The following ARHGEF3 variants were observed in gnomAD, a reference collection of about 807,000 sequenced individuals.
ARHGEF3 encodes Rho guanine nucleotide exchange factor 3, also known as 59.8 kDA protein.
Under a neutral mutation model 63.2 loss-of-function variants are expected in ARHGEF3, and 28 were observed. The observed-to-expected ratio is 0.44, with a 90% CI of 0.33 to 0.61. The LOEUF (loss-of-function observed/expected upper bound fraction) is 0.61. Ranked by LOEUF, ARHGEF3 falls within the 20% of genes least tolerant of loss-of-function variation. ARHGEF3 has a pLI of 0.03. For missense variants in ARHGEF3, 533 were observed against 659.3 expected, an observed-to-expected ratio of 0.81 and a Z score of 2.10; for synonymous variants, 266 against 254.2, an observed-to-expected ratio of 1.05 and a Z score of -0.44.
At chr3:56,781,939 G>C (rs1423912110) in intron 1 of ARHGEF3, among the ~76,000 whole-genome samples, 3 of 152,158 alleles carry the variant, frequency 2.0e-5, no homozygotes, top group Non-Finnish European at 2.9e-5. Flanking sequence ...GGGGTGGCTG[G>C]AAGGCAGGGC....
chr3:56,813,159 AC>A (rs2038135860), intron 4 of ARHGEF3, among the ~76,000 whole-genome samples: 1 of 152,246 alleles, frequency 6.6e-6, no homozygotes, highest in South Asian at 2.1e-4. Flanking sequence ...CAGGCTTTTA[AC>A]ATCTCCAAAG....
intron 3 of ARHGEF3, among the ~76,000 whole-genome samples, chr3:56,906,814 G>A (rs1578811901): frequency 6.6e-6 from 1 of 150,668 alleles, no homozygotes; most frequent in Non-Finnish European, 1.5e-5. Context: ...TCCAGCCTGG[G>A]CGACAGAGCG....
chr3:56,764,469 A>G (rs1252873551), intron 2 of ARHGEF3, among the ~76,000 whole-genome samples: 1 of 152,150 alleles, frequency 6.6e-6, no homozygotes, highest in African/African-American at 2.4e-5. Flanking sequence ...TATTATGACC[A>G]AACTTTGACT....
At chr3:56,999,010 C>T (rs1053121653) in intron 2 of ARHGEF3, among the ~76,000 whole-genome samples, 4 of 152,182 alleles carry the variant, frequency 2.6e-5, no homozygotes, top group African/African-American at 4.8e-5. Flanking sequence ...GGCATTAGTT[C>T]AGCCAACAGA....
At chr3:56,783,189 C>T (rs917766359) in intron 1 of ARHGEF3, among the ~76,000 whole-genome samples, 1 of 152,138 alleles carries the variant, frequency 6.6e-6, no homozygotes, top group African/African-American at 2.4e-5. Context: ...ATTAAAAAAA[C>T]AGGGGTAGAA....
At chr3:56,948,807 C>T (rs144966090) in intron 3 of ARHGEF3, among the ~76,000 whole-genome samples, 6 of 148,828 alleles carry the variant, frequency 4.0e-5, no homozygotes, top group African/African-American at 1.5e-4. Flanking sequence ...GATACCAAAG[C>T]CTGGCAGAGA....
chr3:57,055,750 C>A (rs1028637736), intron 1 of ARHGEF3, among the ~76,000 whole-genome samples: 1 of 152,164 alleles, frequency 6.6e-6, no homozygotes, highest in Non-Finnish European at 1.5e-5. Flanking sequence ...TTATCTGTAT[C>A]CTCCAGAAGC....
At chr3:56,793,371 G>A (rs370935767) in intron 1 of ARHGEF3, among the ~76,000 whole-genome samples, 12 of 152,202 alleles carry the variant, frequency 7.9e-5, no homozygotes, top group Admixed American at 3.3e-4. Context: ...GGGTTTCACC[G>A]CGTTAGCCAG....
intron 7 of ARHGEF3, among the ~76,000 whole-genome samples, chr3:56,744,397 CTT>C (rs34368516): frequency 0.013 from 1,669 of 124,414 alleles, 42 homozygotes; most frequent in East Asian, 0.11. Flanking sequence ...CTCAATAAAC[CTT>C]TTTTTTTTTT....
At chr3:57,005,263 A>G (rs1333057558) in intron 2 of ARHGEF3, among the ~76,000 whole-genome samples, 2 of 152,178 alleles carry the variant, frequency 1.3e-5, no homozygotes, top group Admixed American at 1.3e-4. Flanking sequence ...AATACTTACC[A>G]TAATACTACA....
At chr3:57,004,300 A>T (rs1261085948) in intron 2 of ARHGEF3, among the ~76,000 whole-genome samples, 1 of 152,260 alleles carries the variant, frequency 6.6e-6, no homozygotes, top group South Asian at 2.1e-4. Flanking sequence ...TCATTTTCTA[A>T]TAGATCCGCC....
chr3:57,002,483 A>ATGT (rs1553802499), intron 2 of ARHGEF3, among the ~76,000 whole-genome samples: 2 of 40,684 alleles, frequency 4.9e-5, no homozygotes, highest in South Asian at 8.8e-4. Flanking sequence ...TATATGTTAT[A>ATGT]TATATATATA....
intron 3 of ARHGEF3, among the ~76,000 whole-genome samples, chr3:56,949,380 C>A (rs900262972): frequency 6.6e-6 from 1 of 151,820 alleles, no homozygotes; most frequent in Non-Finnish European, 1.5e-5. Context: ...TCTAGAAAAC[C>A]CCATCGTCTC....
chr3:56,923,075 T>TATATATATATATAA (rs1560053971), intron 3 of ARHGEF3, among the ~76,000 whole-genome samples: 8 of 127,732 alleles, frequency 6.3e-5, no homozygotes, highest in South Asian at 2.4e-4. Flanking sequence ...TATATATATA[T>TATATATATATATAA]AAATTAGTTG....
At chr3:56,906,964 G>T (rs2041703574) in intron 3 of ARHGEF3, among the ~76,000 whole-genome samples, 1 of 148,720 alleles carries the variant, frequency 6.7e-6, no homozygotes. Flanking sequence ...CGCGATTGTG[G>T]CTCACATTCT....
intron 4 of ARHGEF3, among the ~76,000 whole-genome samples, chr3:56,833,493 T>G (rs2038996981): frequency 6.6e-6 from 1 of 152,210 alleles, no homozygotes; most frequent in African/African-American, 2.4e-5. Context: ...TTTTCTCCAC[T>G]TAGCATTGTT....
chr3:56,901,153 C>G (rs1266336737), intron 3 of ARHGEF3, among the ~76,000 whole-genome samples: 1 of 152,116 alleles, frequency 6.6e-6, no homozygotes, highest in African/African-American at 2.4e-5. Flanking sequence ...AACATAAGGT[C>G]TGTGTTCAGA....
intron 3 of ARHGEF3, among the ~76,000 whole-genome samples, chr3:56,920,391 A>G (rs2042094665): frequency 6.6e-6 from 1 of 152,180 alleles, no homozygotes; most frequent in African/African-American, 2.4e-5. Context: ...AACCAGAACC[A>G]TGTTTCCTGT....
chr3:56,939,930 T>C (rs1360156554), intron 3 of ARHGEF3: 1 of 152,204 alleles, frequency 6.6e-6, no homozygotes, highest in Admixed American at 6.5e-5. Flanking sequence ...GGAGTCACCA[T>C]GGTGGTACAG....
Sources: gnomAD v4.1 joint callset for allele counts (sites outside exome capture counted in the v4.1 genomes callset) on GRCh38, gnomAD v4.1.1 for gene constraint, MANE v1.5 for transcripts, NCBI Gene and HGNC (gene_info 2026-07-23, HGNC 2026-07-21) for gene names.